The following NCKAP5 variants were observed in gnomAD, a reference collection of about 807,000 sequenced individuals.
NCKAP5 encodes NCK associated protein 5.
Under a neutral mutation model 167.0 loss-of-function variants are expected in NCKAP5, and 92 were observed. The ratio of observed to expected loss-of-function variants is 0.55; its 90% CI spans 0.47 to 0.66. The LOEUF (loss-of-function observed/expected upper bound fraction) is 0.66, where lower values mean the gene tolerates loss of function less well. NCKAP5 is among the 30% of genes least tolerant of loss of function. The pLI is 0.00. For synonymous variants in NCKAP5, 891 were observed against 877.4 expected, an observed-to-expected ratio of 1.02 and a Z score of -0.27; for missense variants, 2,378 against 2,315.0, an observed-to-expected ratio of 1.03 and a Z score of -0.56.
At chr2:133,069,255 T>C (rs1258155275) in intron 6 of NCKAP5, among the ~76,000 whole-genome samples, 1 of 152,210 alleles carries the variant, frequency 6.6e-6, no homozygotes, top group African/African-American at 2.4e-5. Flanking sequence ...AACATATACA[T>C]GTAAAACACT....
At chr2:133,366,416 C>G (rs539669128) in intron 3 of NCKAP5, among the ~76,000 whole-genome samples, 87 of 152,096 alleles carry the variant, frequency 5.7e-4, no homozygotes, top group Non-Finnish European at 1.1e-3. Flanking sequence ...GCTTCTTCTG[C>G]CTCAACCTCC....
chr2:133,303,606 TCAACTC>T, intron 3 of NCKAP5, among the ~76,000 whole-genome samples: 1 of 151,802 alleles, frequency 6.6e-6, no homozygotes, highest in Non-Finnish European at 1.5e-5. Context: ...CCATTTTTCT[TCAACTC>T]CATATATACA....
At chr2:133,365,125 C>A (rs1685372050) in intron 3 of NCKAP5, among the ~76,000 whole-genome samples, 4 of 152,006 alleles carry the variant, frequency 2.6e-5, no homozygotes, top group African/African-American at 9.7e-5. Context: ...CACACACACA[C>A]AAACACATAC....
intron 3 of NCKAP5, among the ~76,000 whole-genome samples, chr2:133,402,603 C>A (rs545204551): frequency 3.2e-4 from 48 of 152,108 alleles, no homozygotes; most frequent in Non-Finnish European, 5.7e-4. Context: ...TGGCTTGGTG[C>A]TGTCCTCACG....
At chr2:133,226,260 C>G (rs1179972372) in intron 4 of NCKAP5, among the ~76,000 whole-genome samples, 2 of 152,044 alleles carry the variant, frequency 1.3e-5, no homozygotes, top group Admixed American at 6.6e-5. Context: ...GGTTTTTAGG[C>G]TAAATTGGAA....
intron 4 of NCKAP5, among the ~76,000 whole-genome samples, chr2:133,288,864 A>G (rs1160054776): frequency 6.6e-6 from 1 of 152,180 alleles, no homozygotes; most frequent in Non-Finnish European, 1.5e-5. Context: ...CTTCTCTTCT[A>G]TCTTCATCAT....
At chr2:133,202,721 T>C (rs567500672) in intron 5 of NCKAP5, among the ~76,000 whole-genome samples, 10 of 152,142 alleles carry the variant, frequency 6.6e-5, no homozygotes, top group Non-Finnish European at 1.5e-4. Flanking sequence ...CATCAAAAAG[T>C]GAGCAAAGGA....
At chr2:132,824,769 C>G (rs148568546) in intron 11 of NCKAP5, among the ~76,000 whole-genome samples, 234 of 152,294 alleles carry the variant, frequency 1.5e-3, no homozygotes, top group African/African-American at 5.5e-3. Context: ...CCCCTCAGAG[C>G]TTTCATCTTG....
intron 3 of NCKAP5, among the ~76,000 whole-genome samples, chr2:133,457,145 T>G (rs551332979): frequency 2.1e-4 from 32 of 152,306 alleles, no homozygotes; most frequent in Non-Finnish European, 3.4e-4. Context: ...GACAAACTGA[T>G]TCCCATGTGG....
At chr2:132,799,471 G>A (rs912921493) in intron 11 of NCKAP5, among the ~76,000 whole-genome samples, 2 of 152,114 alleles carry the variant, frequency 1.3e-5, no homozygotes, top group African/African-American at 4.8e-5. Context: ...ATCAGTAAGT[G>A]TAAATTTTCA....
intron 6 of NCKAP5, among the ~76,000 whole-genome samples, chr2:133,000,403 T>C (rs141831027): frequency 1.1e-3 from 168 of 152,194 alleles, no homozygotes; most frequent in Non-Finnish European, 1.9e-3. Flanking sequence ...CACAGCCCCA[T>C]GTAGAGAACA....
At chr2:132,982,831 G>T (rs1364870029) in intron 7 of NCKAP5, among the ~76,000 whole-genome samples, 1 of 152,186 alleles carries the variant, frequency 6.6e-6, no homozygotes, top group East Asian at 1.9e-4. Context: ...CCATGTTGCT[G>T]CAAGGAACAT....
chr2:132,758,009 T>G (rs776446621), intron 16 of NCKAP5, among the ~76,000 whole-genome samples: 12 of 152,198 alleles, frequency 7.9e-5, no homozygotes, highest in Non-Finnish European at 1.2e-4. Flanking sequence ...TTTTACAAAC[T>G]TCCCCCTTTC....
chr2:133,105,533 T>C (rs776952994), intron 6 of NCKAP5, among the ~76,000 whole-genome samples: 25 of 152,236 alleles, frequency 1.6e-4, no homozygotes, highest in Non-Finnish European at 3.2e-4. Flanking sequence ...CTTCCCTCTA[T>C]TCCCTTGCCT....
intron 3 of NCKAP5, among the ~76,000 whole-genome samples, chr2:133,482,418 A>G (rs1680537881): frequency 6.6e-6 from 1 of 152,032 alleles, no homozygotes; most frequent in Non-Finnish European, 1.5e-5. Context: ...TGGTTTCACC[A>G]TGTTGCCCAA....
intron 3 of NCKAP5, among the ~76,000 whole-genome samples, chr2:133,424,304 T>C (rs1201234616): frequency 6.6e-6 from 1 of 152,174 alleles, no homozygotes; most frequent in Non-Finnish European, 1.5e-5. Flanking sequence ...TCCCAATCAG[T>C]GTGACTGTCA....
intron 19 of NCKAP5, among the ~76,000 whole-genome samples, chr2:132,719,113 C>T (rs1689661176): frequency 6.6e-6 from 1 of 152,030 alleles, no homozygotes; most frequent in East Asian, 1.9e-4. Context: ...TAAGCAAAAG[C>T]ATGGAAGCCT....
At position 133,501,597 on chromosome 2, in the gene NCKAP5, C is replaced by T. The variant is rs979167919; in HGVS notation, c.69+15861G>A. On this transcript the variant is annotated intron_variant, in intron 3 of 19. Transcript: ENST00000409261. ...TATAGATGTGAATGAAGAGCTCATA[C>T]ATTTTAGTCATATACTCAAAATTAA... Among the ~76,000 whole-genome samples the T allele has an allele frequency of 1.8e-4, 27 of 152,164 alleles. 1 individual carries two copies. The highest frequency in any genetic ancestry group is 5.9e-5 in the Non-Finnish European group (4 of 68,034).
At chr2:133,221,643 T>A (rs1312242452) in intron 4 of NCKAP5, among the ~76,000 whole-genome samples, 1 of 152,248 alleles carries the variant, frequency 6.6e-6, no homozygotes, top group Non-Finnish European at 1.5e-5. Flanking sequence ...TACAACACTC[T>A]GTATTCAAAG....
Sources: gnomAD v4.1 joint callset for allele counts (sites outside exome capture counted in the v4.1 genomes callset) on GRCh38, gnomAD v4.1.1 for gene constraint, MANE v1.5 for transcripts, NCBI Gene and HGNC (gene_info 2026-07-23, HGNC 2026-07-21) for gene names.